Variants in SAMD3 observed in about 807,000 individuals in gnomAD.
The protein encoded by SAMD3 is sterile alpha motif domain containing 3.
A neutral mutation model predicts 58.5 loss-of-function variants in SAMD3; 63 were observed. The observed-to-expected ratio is 1.08, with a 90% CI of 0.88 to 1.33. The LOEUF is 1.33. SAMD3 is among the 40% of genes most tolerant of loss of function. The pLI, the probability that SAMD3 is intolerant of heterozygous loss-of-function variation, is 0.00. For missense variants in SAMD3, 604 were observed against 608.4 expected, an observed-to-expected ratio of 0.99 and a Z score of 0.08; for synonymous variants, 220 against 210.3, an observed-to-expected ratio of 1.05 and a Z score of -0.40.
intron 1 of SAMD3, among the ~76,000 whole-genome samples, chr6:130,332,177 A>G (rs1273347548): frequency 1.3e-5 from 2 of 152,312 alleles, no homozygotes; most frequent in African/African-American, 4.8e-5. Context: ...TTTGAACATG[A>G]AAGGGAAAGT....
intron 2 of SAMD3, among the ~76,000 whole-genome samples, chr6:130,269,147 G>C (rs1033889526): frequency 2.6e-5 from 4 of 152,078 alleles, no homozygotes; most frequent in Non-Finnish European, 4.4e-5. Flanking sequence ...GTGAAGTTTA[G>C]GTTGAGGTTC....
chr6:130,273,142 AT>A (rs1774627940), intron 2 of SAMD3, among the ~76,000 whole-genome samples: 1 of 151,282 alleles, frequency 6.6e-6, no homozygotes, highest in Non-Finnish European at 1.5e-5. Flanking sequence ...ATTTTTGCTC[AT>A]TTCTCTTTTT....
At position 130,209,362 on chromosome 6, in the gene SAMD3, T is replaced by TA. The variant is rs372648746; in HGVS notation, c.383+132dup. Reference sequence around the variant, plus strand: ...TTTACCAAGTATCTTTATCGCTGGATAAAAATATATTCCCTTCCAGGAAAA... The same window carrying TA: ...TTTACCAAGTATCTTTATCGCTGGATAAAAAATATATTCCCTTCCAGGAAAA... On this transcript the variant is annotated intron_variant, in intron 5 of 11. Coordinates refer to ENST00000439090, the MANE Select transcript of SAMD3 (RefSeq NM_001017373.4). 2,663 of 510,902 alleles carry TA rather than the reference T, an allele frequency of 5.2e-3. 13 individuals carry two copies. Among genetic ancestry groups the TA allele is most frequent in the Non-Finnish European group, 6.7e-3 (1,943 of 290,118 alleles). The allele number at this position is 510,902 out of a possible 1,614,324, so 31.6% of individuals were successfully genotyped here. A position where few individuals can be genotyped will look rare whatever the true frequency, so the allele number is the denominator to read the frequency against.
At chr6:130,361,401 C>A (rs1045875780) in intron 1 of SAMD3, among the ~76,000 whole-genome samples, 2 of 152,166 alleles carry the variant, frequency 1.3e-5, no homozygotes, top group African/African-American at 4.8e-5. Flanking sequence ...CCCTAAATAG[C>A]ACGATTTAAA....
At chr6:130,233,592 T>G (rs1194771164) in intron 2 of SAMD3, among the ~76,000 whole-genome samples, 2 of 152,320 alleles carry the variant, frequency 1.3e-5, no homozygotes, top group East Asian at 3.9e-4. Context: ...CAGCGATTTC[T>G]TAGGAAGGAA....
chr6:130,203,478 T>A (rs1246661383), intron 5 of SAMD3, among the ~76,000 whole-genome samples: 1 of 152,198 alleles, frequency 6.6e-6, no homozygotes, highest in African/African-American at 2.4e-5. Context: ...ATACATATAC[T>A]TACTGCTCTC....
At chr6:130,173,145 C>T (rs147724428) in intron 8 of SAMD3, among the ~76,000 whole-genome samples, 4,400 of 152,268 alleles carry the variant, frequency 0.029, 93 homozygotes, top group Middle Eastern at 0.099. Context: ...TTAGAACATG[C>T]TCCTTTAGCT....
chr6:130,183,976 G>C, intron 7 of SAMD3, 127 bp downstream of exon 7: 1 of 728,230 alleles, frequency 1.4e-6, no homozygotes, highest in East Asian at 2.7e-5. Flanking sequence ...TAGATACATA[G>C]ACAGAATGAG....
At chr6:130,177,582 T>C (rs1447454514) in intron 7 of SAMD3, among the ~76,000 whole-genome samples, 3 of 152,208 alleles carry the variant, frequency 2.0e-5, no homozygotes, top group Non-Finnish European at 4.4e-5. Flanking sequence ...TTCATGGAAG[T>C]GTCCTCTGGC....
intron 1 of SAMD3, among the ~76,000 whole-genome samples, chr6:130,346,489 G>C (rs562554702): frequency 6.6e-6 from 1 of 152,322 alleles, no homozygotes; most frequent in African/African-American, 2.4e-5. Context: ...ACACCAGTCT[G>C]ACATCAAACT....
intron 8 of SAMD3, among the ~76,000 whole-genome samples, chr6:130,159,062 G>A (rs763270882): frequency 2.6e-4 from 39 of 152,318 alleles, no homozygotes; most frequent in Non-Finnish European, 5.0e-4. Flanking sequence ...ATCAGAGGTT[G>A]ATATGGTTTG....
chr6:130,192,170 A>G (rs78642046), intron 5 of SAMD3, among the ~76,000 whole-genome samples: 3,837 of 152,320 alleles, frequency 0.025, 69 homozygotes, highest in Middle Eastern at 0.041. Context: ...GTTGAATGAA[A>G]TAGTTTGTGA....
In SAMD3 at chr6:130,214,373, T is replaced by C; in HGVS notation, c.233A>G (p.Lys78Arg). The change falls in exon 4 of 12, where the codon AAG (lysine) becomes AGG (arginine). Residue 78 changes from lysine to arginine, a missense_variant. Lys to Arg is a conservative substitution (Grantham distance 26). Coordinates refer to ENST00000439090, the MANE Select transcript of SAMD3 (RefSeq NM_001017373.4). The stretch of plus-strand genomic sequence containing the variant: ...TTCTGTTTGCATGACCAGGGCTGCC[T>C]TTTTGGGGTTTTCTGGGGACTTCAG... ...QGLKSPENPK[K>R]AALVMQTEAA... 6.2e-7 allele frequency: 1 copy of C among 1,608,724 alleles called. No homozygotes were observed. Among genetic ancestry groups the C allele is most frequent in the Non-Finnish European group, 8.5e-7 (1 of 1,177,594 alleles).
At chr6:130,274,157 G>A (rs369555643) in intron 2 of SAMD3, among the ~76,000 whole-genome samples, 26 of 152,022 alleles carry the variant, frequency 1.7e-4, no homozygotes, top group East Asian at 1.3e-3. Flanking sequence ...GCTGGGTATC[G>A]TATTCTTGGT....
chr6:130,271,024 GTCT>G (rs1774543184), intron 2 of SAMD3, among the ~76,000 whole-genome samples: 3 of 151,070 alleles, frequency 2.0e-5, no homozygotes, highest in African/African-American at 7.3e-5. Flanking sequence ...TTTCCTTAGG[GTCT>G]CACTCTGTTG....
chr6:130,346,167 C>G (rs1393045415), intron 1 of SAMD3, among the ~76,000 whole-genome samples: 1 of 152,248 alleles, frequency 6.6e-6, no homozygotes, highest in African/African-American at 2.4e-5. Context: ...TGGGTGATTT[C>G]TGCATTTCCA....
chr6:130,293,768 C>T (rs1258384860), intron 2 of SAMD3, among the ~76,000 whole-genome samples: 1 of 151,730 alleles, frequency 6.6e-6, no homozygotes, highest in Admixed American at 6.6e-5. Context: ...GCACTCCACA[C>T]CACTTTATGC....
At chr6:130,281,695 G>A (rs1470861319) in intron 2 of SAMD3, among the ~76,000 whole-genome samples, 6 of 152,098 alleles carry the variant, frequency 3.9e-5, no homozygotes, top group Admixed American at 1.3e-4. Context: ...AAGGCAGGAG[G>A]ATCGCCTGAG....
downstream of SAMD3, chr6:130,142,977 A>C (rs1329296560): frequency 6.6e-6 from 1 of 152,230 alleles, no homozygotes; most frequent in African/African-American, 2.4e-5. Flanking sequence ...GAACTAGGTT[A>C]GGCAAAATGA....
Sources: gnomAD v4.1 joint callset for allele counts (sites outside exome capture counted in the v4.1 genomes callset) on GRCh38, gnomAD v4.1.1 for gene constraint, MANE v1.5 for transcripts, NCBI Gene and HGNC (gene_info 2026-07-23, HGNC 2026-07-21) for gene names.